ROS1: variants seen among roughly 807,000 people sequenced by gnomAD.
ROS1 encodes proto-oncogene tyrosine-protein kinase ROS.
Under a neutral mutation model 273.5 loss-of-function variants are expected in ROS1, and 263 were observed. The ratio of observed to expected loss-of-function variants is 0.96; its 90% CI spans 0.87 to 1.06. The LOEUF is 1.06. Among genes scored for constraint, ROS1 ranks in the 50% least tolerant of loss-of-function variants. The probability of loss-of-function intolerance (pLI) is 0.00; values close to 1 mark genes in which losing one functional copy is unlikely to be tolerated. For synonymous variants in ROS1, 1,008 were observed against 954.1 expected (o/e 1.06, Z -1.04); for missense variants, 2,833 against 2,751.1 (o/e 1.03, Z -0.67).
At position 117,425,677 on chromosome 6, in the gene ROS1, T is replaced by G; in HGVS notation, c.-21A>C. The G allele has an allele frequency of 6.2e-7, 1 of 1,609,556 alleles. No individual in the cohort carries two copies. Among genetic ancestry groups the G allele is most frequent in the Non-Finnish European group, 8.5e-7 (1 of 1,178,284 alleles). The stretch of plus-strand genomic sequence containing the variant: ...TTCATCACTTCACCAATGGCAGATT[T>G]TTAGATGGCCGGTCTAATTTTCTCC... On this transcript the variant is annotated 5_prime_UTR_variant, in exon 1 of 44. Transcript: ENST00000368507.
At chr6:117,334,699 C>T (rs1777335109) in intron 32 of ROS1, among the ~76,000 whole-genome samples, 1 of 152,132 alleles carries the variant, frequency 6.6e-6, no homozygotes, top group Non-Finnish European at 1.5e-5. Flanking sequence ...ACATCTACAA[C>T]CATTTGATCT....
At chr6:117,412,303 A>C (rs1774977575) in intron 4 of ROS1, among the ~76,000 whole-genome samples, 1 of 151,818 alleles carries the variant, frequency 6.6e-6, no homozygotes, top group Non-Finnish European at 1.5e-5. Context: ...ATATATAAAT[A>C]TATATGTATA....
chr6:117,389,268 A>C, intron 13 of ROS1, 82 bp downstream of exon 13: 1 of 1,482,616 alleles, frequency 6.7e-7, no homozygotes, highest in Non-Finnish European at 9.0e-7. Context: ...GGGCTCTCAA[A>C]ATTGAATCAC....
In ROS1 at chr6:117,387,972, A is replaced by G. The variant is rs376165477; in HGVS notation, c.1807T>C (p.Trp603Arg). 4 of 1,613,936 alleles carry G rather than the reference A, an allele frequency of 2.5e-6. No individual in the cohort carries two copies. The African/African-American group carries it at 5.3e-5, about 22-fold the overall frequency. The change falls in exon 14 of 44, where the codon TGG becomes CGG. Residue 603 changes from tryptophan (W) to arginine (R), a missense_variant. Coordinates refer to ENST00000368507, the MANE Select transcript of ROS1 (RefSeq NM_001378902.1). ...IGASPSAWQNWTYEVKVSTQD... is the reference protein window; with the variant it reads ...IGASPSAWQNRTYEVKVSTQD... ...GTGGATACTTTCACCTCATAGGTCCAGTTCTGCCAGGCAGAAGGGCCTAAT... is the reference window on the plus strand; with the variant it reads ...GTGGATACTTTCACCTCATAGGTCCGGTTCTGCCAGGCAGAAGGGCCTAAT...
At chr6:117,381,751 G>A (rs1029335167) in intron 17 of ROS1, among the ~76,000 whole-genome samples, 2 of 152,028 alleles carry the variant, frequency 1.3e-5, no homozygotes, top group African/African-American at 4.8e-5. Flanking sequence ...TTTTCCTTTG[G>A]GGAGATACCC....
intron 17 of ROS1, 77 bp downstream of exon 17, chr6:117,383,240 A>AT: frequency 8.5e-7 from 1 of 1,181,524 alleles, no homozygotes; most frequent in Non-Finnish European, 1.2e-6. Context: ...AAGTACTCAC[A>AT]ATAAGCGAGA....
At chr6:117,379,231 T>G in intron 17 of ROS1, 72 bp from the exon 18 acceptor site, 1 of 867,632 alleles carries the variant, frequency 1.2e-6, no homozygotes, top group Non-Finnish European at 1.9e-6. Flanking sequence ...CAGGTCACAC[T>G]TAAGCTATAG....
rs192964342 is a variant in ROS1, at chr6:117,388,003, G to T, written c.1787-11C>A. 1.9e-6 allele frequency: 3 copies of T among 1,614,030 alleles called. No homozygotes were observed. The African/African-American group carries it at 4.0e-5, about 22-fold the overall frequency. The stretch of plus-strand genomic sequence containing the variant: ...GCCAGGCAGAAGGGCCTAATTCAAA[G>T]AGTTCAATAATATCACTGATCAGGA... On this transcript the variant is annotated splice_polypyrimidine_tract_variant and intron_variant, in intron 13 of 43. Transcript: ENST00000368507.
intron 42 of ROS1, among the ~76,000 whole-genome samples, chr6:117,307,393 A>G (rs1282317474): frequency 6.6e-6 from 1 of 152,162 alleles, no homozygotes; most frequent in Non-Finnish European, 1.5e-5. Flanking sequence ...ATTCTGGCAA[A>G]AATTTCTGAG....
In ROS1 at chr6:117,353,019, G is replaced by C. The variant is rs1358301021; in HGVS notation, c.4274C>G (p.Ala1425Gly). 3.7e-6 allele frequency: 6 copies of C among 1,613,792 alleles called. No homozygotes were observed. The highest frequency in any genetic ancestry group is 4.2e-6 in the Non-Finnish European group (5 of 1,179,948). ...VKALRSRHIL[A>G]YSSVMQPFPD... ...AAAAGGCTGCATAACTGAACTGTAAGCCAAGATATGCCTACTCCTTAGGGC... is the reference window on the plus strand; with the variant it reads ...AAAAGGCTGCATAACTGAACTGTAACCCAAGATATGCCTACTCCTTAGGGC... The change falls in exon 27 of 44, where the codon GCT (alanine) becomes GGT (glycine). Residue 1425 changes from alanine to glycine, a missense_variant. Ala to Gly is a moderately conservative substitution (Grantham distance 60). Transcript: ENST00000368507.
intron 4 of ROS1, 141 bp from the exon 5 acceptor site, chr6:117,409,783 G>T: frequency 1.5e-6 from 1 of 682,070 alleles, no homozygotes; most frequent in Non-Finnish European, 2.7e-6. Flanking sequence ...TGAAATCGGA[G>T]TGCCTAATAC....
chr6:117,389,212 T>C, intron 13 of ROS1, 138 bp downstream of exon 13: 1 of 982,710 alleles, frequency 1.0e-6, no homozygotes, highest in Non-Finnish European at 1.5e-6. Flanking sequence ...TAAACTTTTT[T>C]TTTAGCTAAG....
intron 21 of ROS1, among the ~76,000 whole-genome samples, chr6:117,363,903 G>T (rs568375311): frequency 6.6e-5 from 10 of 152,064 alleles, no homozygotes; most frequent in Non-Finnish European, 1.0e-4. Context: ...CCCATATCTA[G>T]TACAGAACTG....
rs374863006 is a variant in ROS1, at chr6:117,300,197, C to T, written c.6715+777G>A. 1.0e-4 allele frequency among the ~76,000 whole-genome samples: 15 copies of T among 149,580 alleles called. No homozygotes were observed. The East Asian group carries it at 2.8e-3, about 28-fold the overall frequency. On this transcript the variant is annotated intron_variant, in intron 43 of 43. Transcript: ENST00000368507. ...TGATCTCCTGACCTCATGATCCGCC[C>T]GCCTCGGCCTCCCAAACTGCTGGGA... is the stretch of plus-strand genomic sequence containing the variant.
At chr6:117,423,066 A>C (rs1775876596) in intron 1 of ROS1, among the ~76,000 whole-genome samples, 1 of 152,170 alleles carries the variant, frequency 6.6e-6, no homozygotes, top group Non-Finnish European at 1.5e-5. Flanking sequence ...AGGAATGGAA[A>C]ACCAAACATC....
chr6:117,412,782 G>A (rs1156704892), intron 4 of ROS1, among the ~76,000 whole-genome samples: 2 of 152,128 alleles, frequency 1.3e-5, no homozygotes, highest in African/African-American at 4.8e-5. Context: ...ACAGAAAACT[G>A]AGCAGCATAA....
At chr6:117,382,583 T>A (rs751433040) in intron 17 of ROS1, among the ~76,000 whole-genome samples, 1 of 152,072 alleles carries the variant, frequency 6.6e-6, no homozygotes, top group Non-Finnish European at 1.5e-5. Flanking sequence ...TCAGAAAAAA[T>A]TAAAATTTAG....
Position 117,288,036 on chromosome 6 carries a change from A to C in ROS1, c.*456T>G, listed in dbSNP as rs1291672434. On this transcript the variant is annotated 3_prime_UTR_variant, in exon 44 of 44. Transcript: ENST00000368507. ...TTCTGTATGTGTGAAATTATTTCTC[A>C]TTTCCTTGGTCCCATTTGAGATTAT... Among the ~76,000 whole-genome samples the C allele has an allele frequency of 6.6e-6, 1 of 152,044 alleles. No homozygotes were observed. The highest frequency in any genetic ancestry group is 6.6e-5 in the Admixed American group (1 of 15,258).
In ROS1 at chr6:117,386,803, C is replaced by T. The variant is rs139669428; in HGVS notation, c.2110+86G>A. The T allele has an allele frequency of 9.4e-6, 6 of 636,778 alleles. No homozygotes were observed. The Admixed American group carries it at 1.3e-4, about 13-fold the overall frequency. The allele number at this position is 636,778 out of a possible 1,614,324, so 39.4% of individuals were successfully genotyped here. On this transcript the variant is annotated intron_variant, in intron 15 of 43. Transcript: ENST00000368507. ...TCACTATTGACCAAATACAAAAATA[C>T]CCTATTCTTTTGATTCATTGAATGA...
Sources: gnomAD v4.1 joint callset for allele counts (sites outside exome capture counted in the v4.1 genomes callset) on GRCh38, gnomAD v4.1.1 for gene constraint, MANE v1.5 for transcripts, NCBI Gene and HGNC (gene_info 2026-07-23, HGNC 2026-07-21) for gene names.